Variants in CNTN5 observed in about 807,000 individuals in gnomAD.
The protein encoded by CNTN5 is contactin-5.
A neutral mutation model predicts 129.1 loss-of-function variants in CNTN5; 77 were observed. The observed-to-expected ratio is 0.60, with a 90% CI of 0.50 to 0.72. The LOEUF is 0.72. Among genes scored for constraint, CNTN5 ranks in the 30% least tolerant of loss-of-function variants. The pLI, the probability that CNTN5 is intolerant of heterozygous loss-of-function variation, is 0.00. For synonymous variants in CNTN5, 509 were observed against 465.6 expected, an observed-to-expected ratio of 1.09 and a Z score of -1.20; for missense variants, 1,478 against 1,328.8, an observed-to-expected ratio of 1.11 and a Z score of -1.75.
intron 23 of CNTN5, among the ~76,000 whole-genome samples, chr11:100,349,839 C>A (rs1952365285): frequency 6.6e-6 from 1 of 151,760 alleles, no homozygotes; most frequent in African/African-American, 2.4e-5. Context: ...TAAAATAGCT[C>A]TGAAGTGATG....
chr11:99,926,332 G>A (rs150948887), intron 7 of CNTN5, among the ~76,000 whole-genome samples: 2 of 151,982 alleles, frequency 1.3e-5, no homozygotes, highest in Non-Finnish European at 2.9e-5. Flanking sequence ...ATCAAGAAAA[G>A]GAAAAATGAA....
intron 1 of CNTN5, among the ~76,000 whole-genome samples, chr11:99,022,041 G>A (rs971307663): frequency 2.0e-5 from 3 of 152,176 alleles, no homozygotes; most frequent in Admixed American, 2.0e-4. Context: ...TCTTAGAACT[G>A]TTCTCCCAAG....
chr11:99,724,772 A>C (rs947255688), intron 3 of CNTN5, among the ~76,000 whole-genome samples: 4 of 152,200 alleles, frequency 2.6e-5, no homozygotes, highest in Non-Finnish European at 5.9e-5. Context: ...AATTACAAAA[A>C]CACAGCAGGA....
chr11:99,498,667 TTA>T (rs1946318429), intron 2 of CNTN5, among the ~76,000 whole-genome samples: 1 of 152,142 alleles, frequency 6.6e-6, no homozygotes, highest in African/African-American at 2.4e-5. Flanking sequence ...AAGCCAACCA[TTA>T]TATCTCATAC....
chr11:99,683,978 C>A (rs1012996513), intron 3 of CNTN5, among the ~76,000 whole-genome samples: 20 of 151,782 alleles, frequency 1.3e-4, no homozygotes, highest in African/African-American at 4.8e-4. Context: ...TTGTACTCTT[C>A]TAGCAAATTT....
At chr11:99,445,689 C>T (rs11219959) in intron 2 of CNTN5, among the ~76,000 whole-genome samples, 2 of 152,126 alleles carry the variant, frequency 1.3e-5, no homozygotes, top group South Asian at 2.1e-4. Flanking sequence ...AAATGGACAG[C>T]GTCCTCTATC....
chr11:99,855,118 G>C (rs1203994067), intron 6 of CNTN5, among the ~76,000 whole-genome samples: 1 of 152,004 alleles, frequency 6.6e-6, no homozygotes, highest in African/African-American at 2.4e-5. Flanking sequence ...AGACCAGCCT[G>C]GGCAATATGG....
intron 3 of CNTN5, among the ~76,000 whole-genome samples, chr11:99,610,924 G>C (rs76343177): frequency 0.011 from 1,676 of 152,206 alleles, 30 homozygotes; most frequent in African/African-American, 0.038. Context: ...AAAAAGCGGG[G>C]AGTAGACACA....
chr11:99,643,827 T>A (rs1273548660), intron 3 of CNTN5, among the ~76,000 whole-genome samples: 1 of 138,342 alleles, frequency 7.2e-6, no homozygotes, highest in Non-Finnish European at 1.5e-5. Flanking sequence ...TTTCCTATGT[T>A]TAAATTCTTA....
At chr11:100,308,975 T>C in intron 21 of CNTN5, 3 of 985,116 alleles carry the variant, frequency 3.0e-6, no homozygotes, top group Non-Finnish European at 3.6e-6. Context: ...TCCAGCCTTA[T>C]AATGGTGAAC....
intron 15 of CNTN5, among the ~76,000 whole-genome samples, chr11:100,212,809 T>TA (rs1180884460): frequency 6.6e-6 from 1 of 152,112 alleles, no homozygotes. Context: ...TGAAATGATC[T>TA]AAAAAAATTT....
intron 2 of CNTN5, among the ~76,000 whole-genome samples, chr11:99,368,236 A>G (rs1456040763): frequency 1.5e-5 from 1 of 65,302 alleles, no homozygotes; most frequent in African/African-American, 4.4e-5. Context: ...GTAAAAATTT[A>G]ATTTTTATTA....
intron 1 of CNTN5, among the ~76,000 whole-genome samples, chr11:99,243,224 A>G (rs56868769): frequency 0.017 from 2,604 of 152,156 alleles, 88 homozygotes; most frequent in African/African-American, 0.06. Context: ...TTGCTCTGAT[A>G]ATTAGTGATA....
chr11:99,631,820 T>C (rs1392188004), intron 3 of CNTN5, among the ~76,000 whole-genome samples: 1 of 152,114 alleles, frequency 6.6e-6, no homozygotes, highest in African/African-American at 2.4e-5. Context: ...AGTTTTGCTT[T>C]CTGTGGTTGT....
chr11:99,414,146 T>C (rs915505298), intron 2 of CNTN5, among the ~76,000 whole-genome samples: 1 of 152,218 alleles, frequency 6.6e-6, no homozygotes, highest in Non-Finnish European at 1.5e-5. Context: ...AGGAAACCTG[T>C]TATATATTAT....
intron 7 of CNTN5, among the ~76,000 whole-genome samples, chr11:99,945,673 C>G (rs1021289609): frequency 3.3e-5 from 5 of 151,890 alleles, no homozygotes; most frequent in Non-Finnish European, 5.9e-5. Flanking sequence ...TGAAGAGGCC[C>G]TATAAACAAG....
rs79764514 is a variant in CNTN5, at chr11:100,142,380, G to A, written c.1581-48746G>A. Among the ~76,000 whole-genome samples, 1,352 of 152,108 alleles carry A rather than the reference G, an allele frequency of 8.9e-3. 28 individuals are homozygous for A. The highest frequency in any genetic ancestry group is 0.03 in the African/African-American group (1,261 of 41,498). On this transcript the variant is annotated intron_variant, in intron 13 of 24. Coordinates refer to ENST00000524871, the MANE Select transcript of CNTN5 (RefSeq NM_014361.4). ...TCTCTTCTATCTTTCTCTCCTGTTG[G>A]TTCTTTGTCTCTGGAGAACTCTGAC...
chr11:99,520,097 T>C (rs1030607277), intron 2 of CNTN5, among the ~76,000 whole-genome samples: 7 of 152,130 alleles, frequency 4.6e-5, no homozygotes, highest in Non-Finnish European at 7.4e-5. Flanking sequence ...TTATAGCACA[T>C]GAGAATTCAA....
intron 3 of CNTN5, among the ~76,000 whole-genome samples, chr11:99,723,783 C>T (rs1943249365): frequency 7.0e-6 from 1 of 143,478 alleles, no homozygotes; most frequent in African/African-American, 2.5e-5. Flanking sequence ...CATGCGTGTG[C>T]ATGCGCACGC....
Sources: allele counts gnomAD v4.1 joint callset (sites outside exome capture counted in the v4.1 genomes callset), GRCh38; gene constraint gnomAD v4.1.1; transcripts MANE v1.5; gene names NCBI Gene and HGNC (gene_info 2026-07-23, HGNC 2026-07-21).